Variants in SPAG16 observed in about 807,000 individuals in gnomAD.
The protein encoded by SPAG16 is sperm associated antigen 16, also known as sperm-associated antigen 16 protein.
SPAG16 carries 86 observed loss-of-function variants against 80.4 expected under a neutral mutation model. The ratio of observed to expected loss-of-function variants is 1.07; its 90% confidence interval spans 0.90 to 1.28. The LOEUF (loss-of-function observed/expected upper bound fraction) is 1.28, where lower values mean the gene tolerates loss of function less well. SPAG16 is among the 50% of genes most tolerant of loss of function. The probability of loss-of-function intolerance (pLI) is 0.00; values close to 1 mark genes in which losing one functional copy is unlikely to be tolerated. For missense variants in SPAG16, 870 were observed against 765.3 expected, an observed-to-expected ratio of 1.14 and a Z score of -1.61; for synonymous variants, 294 against 265.9, an observed-to-expected ratio of 1.11 and a Z score of -1.03.
At chr2:214,385,492 T>C (rs998170383) in intron 15 of SPAG16, among the ~76,000 whole-genome samples, 2 of 152,204 alleles carry the variant, frequency 1.3e-5, no homozygotes, top group African/African-American at 4.8e-5. Context: ...CTTAACGAGT[T>C]CTTTATATAA....
rs77442934 is a variant in SPAG16 at position 213,935,892 on chromosome 2, C to G, written c.1400+5747C>G. On this transcript the variant is annotated intron_variant, in intron 12 of 15. Transcript: ENST00000331683. The stretch of plus-strand genomic sequence containing the variant: ...AGCTATAATAGTGAAAAACTTCTGC[C>G]CTTATGTCATTGGCATTCTTTCAGG... Among the ~76,000 whole-genome samples, 230 of 152,078 alleles carry G rather than the reference C, an allele frequency of 1.5e-3. 1 individual carries two copies. Among genetic ancestry groups the G allele is most frequent in the South Asian group, 5.2e-3 (25 of 4,810 alleles).
intron 10 of SPAG16, among the ~76,000 whole-genome samples, chr2:213,709,680 GA>G (rs1279624717): frequency 1.3e-5 from 2 of 151,828 alleles, no homozygotes; most frequent in Non-Finnish European, 2.9e-5. Flanking sequence ...AACCAATAAA[GA>G]AAAGTTATAA....
At chr2:214,013,179 CT>C (rs11382197) in intron 12 of SPAG16, among the ~76,000 whole-genome samples, 572 of 138,834 alleles carry the variant, frequency 4.1e-3, no homozygotes, top group African/African-American at 8.8e-3. Context: ...AGTATTTTGT[CT>C]TTTTTTTTTT....
chr2:213,689,307 T>A (rs1197836832), intron 10 of SPAG16, among the ~76,000 whole-genome samples: 1 of 152,174 alleles, frequency 6.6e-6, no homozygotes, highest in Non-Finnish European at 1.5e-5. Context: ...ATGGATTGGT[T>A]TTGATTGACT....
intron 10 of SPAG16, among the ~76,000 whole-genome samples, chr2:213,690,258 T>C (rs181310328): frequency 1.3e-5 from 2 of 152,326 alleles, no homozygotes; most frequent in African/African-American, 4.8e-5. Flanking sequence ...GACTGTGGAA[T>C]TGATAAAAGA....
intron 13 of SPAG16, among the ~76,000 whole-genome samples, chr2:214,064,618 A>AGTTGACCCC (rs2050444743): frequency 6.6e-6 from 1 of 152,146 alleles, no homozygotes; most frequent in Non-Finnish European, 1.5e-5. Flanking sequence ...TTAAATTGTA[A>AGTTGACCCC]GTTGACCCAC....
In SPAG16 at chr2:213,453,814, T is replaced by A. The variant is rs531949887; in HGVS notation, c.943-36149T>A. Among the ~76,000 whole-genome samples the A allele has an allele frequency of 2.0e-5, 3 of 152,332 alleles. No homozygotes were observed. The East Asian group carries it at 5.8e-4, about 29-fold the overall frequency. ...TGGTTCTATGGAAGAAGACAGCATA[T>A]GAAGGGAAACTTCATTGGAATCACA... On this transcript the variant is annotated intron_variant, in intron 9 of 15. Transcript: ENST00000331683.
intron 10 of SPAG16, among the ~76,000 whole-genome samples, chr2:213,747,983 A>G (rs541961055): frequency 2.6e-5 from 4 of 152,304 alleles, no homozygotes; most frequent in African/African-American, 9.6e-5. Context: ...GTTCTATAGC[A>G]ATTAATTTAT....
chr2:213,634,248 C>T (rs2062271242), intron 10 of SPAG16, among the ~76,000 whole-genome samples: 1 of 152,066 alleles, frequency 6.6e-6, no homozygotes, highest in South Asian at 2.1e-4. Flanking sequence ...TTATTTTAAC[C>T]TGATAAAATC....
intron 1 of SPAG16, among the ~76,000 whole-genome samples, chr2:213,292,237 T>A (rs2062304136): frequency 6.6e-6 from 1 of 152,208 alleles, no homozygotes; most frequent in Admixed American, 6.5e-5. Context: ...ATGGCATTGC[T>A]TTTCTGGAGA....
chr2:214,051,250 C>A (rs945203423), intron 13 of SPAG16, among the ~76,000 whole-genome samples: 3 of 152,132 alleles, frequency 2.0e-5, no homozygotes, highest in Admixed American at 2.0e-4. Flanking sequence ...ATGGTGTTTT[C>A]TTTTCTCCTA....
chr2:214,274,383 G>A (rs1244161585), intron 15 of SPAG16, among the ~76,000 whole-genome samples: 1 of 152,196 alleles, frequency 6.6e-6, no homozygotes, highest in East Asian at 1.9e-4. Context: ...AGTTTTCAGA[G>A]GGAATGATTC....
rs79947279 is a variant in SPAG16 at position 214,408,096 on chromosome 2, T to A, written c.1721-2044T>A. 1.1e-4 allele frequency among the ~76,000 whole-genome samples: 16 copies of A among 152,314 alleles called. No homozygotes were observed. In the East Asian group the frequency reaches 2.9e-3, roughly 28 times the overall value. ...CTGTTGAATTAATATGAGGTTCCAA[T>A]ATCATTTTCTGTATTTTATTTAACA... On this transcript the variant is annotated intron_variant, in intron 15 of 15. Coordinates refer to ENST00000331683, the MANE Select transcript of SPAG16 (RefSeq NM_024532.5).
At chr2:214,103,223 GAGATTGTCTCTCTCTGGCTAAT>G (rs1163698492) in intron 13 of SPAG16, among the ~76,000 whole-genome samples, 2 of 152,152 alleles carry the variant, frequency 1.3e-5, no homozygotes, top group Non-Finnish European at 2.9e-5. Flanking sequence ...GGACCATCAG[GAGATTGTCTCTCTCTGGCTAAT>G]AGATTAAATA....
chr2:213,413,229 T>C (rs936421293), intron 9 of SPAG16, among the ~76,000 whole-genome samples: 29 of 152,164 alleles, frequency 1.9e-4, no homozygotes, highest in African/African-American at 7.0e-4. Context: ...TTCATAGAAG[T>C]TCATGTGTGT....
intron 9 of SPAG16, among the ~76,000 whole-genome samples, chr2:213,452,543 A>G (rs1293406288): frequency 3.3e-5 from 5 of 152,250 alleles, no homozygotes; most frequent in Admixed American, 1.3e-4. Flanking sequence ...GAGTATTACA[A>G]TAATATTCTC....
intron 9 of SPAG16, among the ~76,000 whole-genome samples, chr2:213,442,158 C>G (rs572469469): frequency 1.2e-4 from 18 of 152,216 alleles, no homozygotes; most frequent in African/African-American, 4.3e-4. Context: ...AAAAAACAAA[C>G]AAACCGAAAC....
At chr2:213,354,132 G>A (rs1005744487) in intron 7 of SPAG16, among the ~76,000 whole-genome samples, 1 of 152,100 alleles carries the variant, frequency 6.6e-6, no homozygotes, top group African/African-American at 2.4e-5. Context: ...GAGAACATGC[G>A]GTGTTTGGTT....
intron 15 of SPAG16, among the ~76,000 whole-genome samples, chr2:214,399,605 A>C (rs1701595707): frequency 6.6e-6 from 1 of 152,100 alleles, no homozygotes; most frequent in Non-Finnish European, 1.5e-5. Flanking sequence ...TGACTTTTAG[A>C]GTCTTAAAAT....
Sources: gnomAD v4.1 joint callset for allele counts (sites outside exome capture counted in the v4.1 genomes callset) on GRCh38, gnomAD v4.1.1 for gene constraint, MANE v1.5 for transcripts, NCBI Gene and HGNC (gene_info 2026-07-23, HGNC 2026-07-21) for gene names.